Variants in BACH2 observed in about 807,000 individuals in gnomAD.
BACH2 encodes transcription regulator protein BACH2.
Under a neutral mutation model 61.8 loss-of-function variants are expected in BACH2, and 5 were observed. That is an observed-to-expected ratio of 0.08 (90% confidence interval 0.04 to 0.17). The LOEUF (loss-of-function observed/expected upper bound fraction) is 0.17. BACH2 is among the 10% of genes least tolerant of loss of function. The pLI, the probability that BACH2 is intolerant of heterozygous loss-of-function variation, is 1.00. For synonymous variants in BACH2, 446 were observed against 440.1 expected (o/e 1.01, Z -0.17); for missense variants, 824 against 1,091.1 (o/e 0.76, Z 3.45).
In BACH2 at chr6:89,931,579, G is replaced by C. The variant is rs1772643289; in HGVS notation, c.*829C>G. On this transcript the variant is annotated 3_prime_UTR_variant, in exon 9 of 9. Coordinates refer to ENST00000257749, the MANE Select transcript of BACH2 (RefSeq NM_021813.4). ...TGGCAAAGTTGACCATTACTGTACA[G>C]TATCTGCAAGGAAAACAAAAACAAA... 1 of 152,488 alleles carries C rather than the reference G, an allele frequency of 6.6e-6. No homozygotes were observed. Among genetic ancestry groups the C allele is most frequent in the Non-Finnish European group, 1.5e-5 (1 of 68,044 alleles). 9.4% of individuals were successfully genotyped at this position (152,488 alleles called of 1,614,324 possible). A position where few individuals can be genotyped will look rare whatever the true frequency, so the allele number is the denominator to read the frequency against.
chr6:90,283,434 G>A (rs928103682), intron 1 of BACH2, among the ~76,000 whole-genome samples: 1 of 151,298 alleles, frequency 6.6e-6, no homozygotes, highest in African/African-American at 2.4e-5. Context: ...GGAGTGCTGT[G>A]GTGCGATCTT....
intron 1 of BACH2, among the ~76,000 whole-genome samples, chr6:90,289,641 G>A (rs530212925): frequency 6.6e-6 from 1 of 152,188 alleles, no homozygotes; most frequent in South Asian, 2.1e-4. Context: ...ATGATGAGCT[G>A]AAACAAGAAA....
At chr6:90,258,150 CCAGGAGCT>C (rs1252515525) in intron 2 of BACH2, among the ~76,000 whole-genome samples, 1 of 152,144 alleles carries the variant, frequency 6.6e-6, no homozygotes, top group Admixed American at 6.5e-5. Flanking sequence ...ACGCCAATGT[CCAGGAGCT>C]ATTCCCCTAT....
intron 6 of BACH2, among the ~76,000 whole-genome samples, chr6:89,981,092 G>C (rs1320669726): frequency 1.3e-5 from 2 of 150,846 alleles, no homozygotes; most frequent in East Asian, 3.9e-4. Flanking sequence ...AGTTGTTTTA[G>C]CTTAAAGATG....
intron 2 of BACH2, among the ~76,000 whole-genome samples, chr6:90,255,280 C>G (rs184978956): frequency 2.0e-5 from 3 of 152,302 alleles, no homozygotes; most frequent in Admixed American, 2.0e-4. Flanking sequence ...TTCATTTTCA[C>G]TCAACAATTG....
intron 6 of BACH2, among the ~76,000 whole-genome samples, chr6:89,966,151 T>C (rs971351791): frequency 1.3e-5 from 2 of 152,174 alleles, no homozygotes; most frequent in Non-Finnish European, 2.9e-5. Context: ...ACAGCAGCAA[T>C]GATAGTATTT....
intron 6 of BACH2, among the ~76,000 whole-genome samples, chr6:89,998,673 A>G (rs1429506354): frequency 6.6e-6 from 1 of 151,904 alleles, no homozygotes; most frequent in Non-Finnish European, 1.5e-5. Context: ...TTTTAAGAAC[A>G]GCCTTCTTTC....
intron 4 of BACH2, among the ~76,000 whole-genome samples, chr6:90,173,351 G>A (rs1393352961): frequency 6.6e-6 from 1 of 152,138 alleles, no homozygotes; most frequent in Non-Finnish European, 1.5e-5. Context: ...AGACTTGCAT[G>A]TGAATGTTCA....
In BACH2 at chr6:90,084,420, T is replaced by C. The variant is rs9444741; in HGVS notation, c.-13+4541A>G. On this transcript the variant is annotated intron_variant, in intron 5 of 8. Coordinates refer to ENST00000257749, the MANE Select transcript of BACH2 (RefSeq NM_021813.4). ...GGGAATTTATTTTGATTAGATTCCATATCCATGCCCTTTCAACTCAAGCTT... is the reference window on the plus strand; with the variant it reads ...GGGAATTTATTTTGATTAGATTCCACATCCATGCCCTTTCAACTCAAGCTT... 7.1e-3 allele frequency among the ~76,000 whole-genome samples: 1,085 copies of C among 152,250 alleles called. 16 individuals are homozygous for C. The highest frequency in any genetic ancestry group is 0.023 in the African/African-American group (968 of 41,546).
At chr6:90,243,263 TC>T (rs1770519665) in intron 3 of BACH2, among the ~76,000 whole-genome samples, 1 of 151,236 alleles carries the variant, frequency 6.6e-6, no homozygotes, top group Admixed American at 6.6e-5. Flanking sequence ...TCTTTAAAAA[TC>T]CTTTACAGTC....
intron 5 of BACH2, among the ~76,000 whole-genome samples, chr6:90,017,583 A>G (rs1297115309): frequency 6.6e-6 from 1 of 152,082 alleles, no homozygotes; most frequent in Non-Finnish European, 1.5e-5. Flanking sequence ...TGCAAGGTCT[A>G]ATCTGCCATC....
chr6:90,028,412 C>G (rs76990512), intron 5 of BACH2, among the ~76,000 whole-genome samples: 1,887 of 152,320 alleles, frequency 0.012, 38 homozygotes, highest in East Asian at 0.089. Context: ...TTTGGATACT[C>G]TATCCTCCCA....
At chr6:90,128,303 C>T (rs1043650496) in intron 4 of BACH2, among the ~76,000 whole-genome samples, 4 of 152,118 alleles carry the variant, frequency 2.6e-5, no homozygotes, top group Non-Finnish European at 5.9e-5. Flanking sequence ...AGTCTATAGG[C>T]CAGGCGCCGT....
chr6:90,061,529 T>C (rs563847691), intron 5 of BACH2, among the ~76,000 whole-genome samples: 59 of 152,158 alleles, frequency 3.9e-4, no homozygotes, highest in African/African-American at 1.4e-3. Context: ...AAGTCTGATA[T>C]TTAGGGGAGA....
At chr6:89,936,923 A>C (rs1471195374) in intron 8 of BACH2, among the ~76,000 whole-genome samples, 1 of 152,096 alleles carries the variant, frequency 6.6e-6, no homozygotes, top group Non-Finnish European at 1.5e-5. Context: ...TCAGCCTGAC[A>C]CAGACATGGC....
chr6:89,938,076 C>T, intron 8 of BACH2, 68 bp downstream of exon 8: 4 of 1,473,754 alleles, frequency 2.7e-6, no homozygotes, highest in Non-Finnish European at 3.7e-6. Flanking sequence ...TTCCAACTTT[C>T]ATTGCTGTTA....
intron 5 of BACH2, among the ~76,000 whole-genome samples, chr6:90,017,063 AT>A (rs1288115315): frequency 6.6e-6 from 1 of 151,970 alleles, no homozygotes; most frequent in East Asian, 1.9e-4. Flanking sequence ...ATTTGGAAAA[AT>A]TTTGGCCATC....
At position 89,928,060 on chromosome 6, in the gene BACH2, C is replaced by T. The variant is rs1772445849; in HGVS notation, c.*4348G>A. 1 of 152,354 alleles carries T rather than the reference C, an allele frequency of 6.6e-6. No homozygotes were observed. Among genetic ancestry groups the T allele is most frequent in the South Asian group, 2.1e-4 (1 of 4,830 alleles). 9.4% of individuals were successfully genotyped at this position (152,354 alleles called of 1,614,324 possible). A position where few individuals can be genotyped will look rare whatever the true frequency, so the allele number is the denominator to read the frequency against. On this transcript the variant is annotated 3_prime_UTR_variant, in exon 9 of 9. Coordinates refer to ENST00000257749, the MANE Select transcript of BACH2 (RefSeq NM_021813.4). ...GACTCACCAGAAATTGCACTTCCAA[C>T]ACAGTCTTCAGTTTGGGGAAGAAAC...
intron 4 of BACH2, among the ~76,000 whole-genome samples, chr6:90,106,579 A>T (rs1428395304): frequency 6.6e-6 from 1 of 152,170 alleles, no homozygotes; most frequent in Non-Finnish European, 1.5e-5. Context: ...TTGCACAATG[A>T]TGAGACTGCC....
Sources: allele counts gnomAD v4.1 joint callset (sites outside exome capture counted in the v4.1 genomes callset), GRCh38; gene constraint gnomAD v4.1.1; transcripts MANE v1.5; gene names NCBI Gene and HGNC (gene_info 2026-07-23, HGNC 2026-07-21).